FBXL18: variants seen among roughly 807,000 people sequenced by gnomAD.
FBXL18 encodes F-box and leucine rich repeat protein 18.
In FBXL18, 36 loss-of-function variants were observed where a neutral mutation model predicts 46.0. That is an observed-to-expected ratio of 0.78 (90% CI 0.60 to 1.03). The LOEUF (loss-of-function observed/expected upper bound fraction) is 1.03. FBXL18 is among the 50% of genes least tolerant of loss of function. The pLI is 0.00. For missense variants in FBXL18, 977 were observed against 1,004.1 expected (o/e 0.97, Z 0.36); for synonymous variants, 557 against 465.3 (o/e 1.20, Z -2.54).
intron 1 of FBXL18, among the ~76,000 whole-genome samples, chr7:5,506,857 C>T (rs562723663): frequency 6.6e-6 from 1 of 152,358 alleles, no homozygotes; most frequent in Admixed American, 6.5e-5. Context: ...TGCACACTTC[C>T]TTTTCCATTG....
chr7:5,497,078 A>T (rs1019467753), intron 3 of FBXL18, among the ~76,000 whole-genome samples: 3 of 149,196 alleles, frequency 2.0e-5, no homozygotes, highest in African/African-American at 7.4e-5. Flanking sequence ...GCATGTGCCT[A>T]TAGTCCCAGC....
At chr7:5,467,840 T>C (rs192533005) in intron 4 of FBXL18, among the ~76,000 whole-genome samples, 3 of 152,222 alleles carry the variant, frequency 2.0e-5, no homozygotes, top group Admixed American at 2.0e-4. Context: ...ACTGACTCAT[T>C]GGAGACAACC....
At chr7:5,494,820 G>A (rs1438453697) in intron 3 of FBXL18, among the ~76,000 whole-genome samples, 3 of 152,238 alleles carry the variant, frequency 2.0e-5, no homozygotes, top group Non-Finnish European at 2.9e-5. Context: ...CGTGCTACCC[G>A]CCCCAGATCG....
Position 5,456,639 on chromosome 7 carries a change from GAA to G in FBXL18, c.2001-8798_2001-8797del, listed in dbSNP as rs11442038. Among the ~76,000 whole-genome samples, 76 of 140,156 alleles carry G rather than the reference GAA, an allele frequency of 5.4e-4. 2 individuals are homozygous for G. Among genetic ancestry groups the G allele is most frequent in the South Asian group, 1.8e-3 (8 of 4,356 alleles). 91.9% of individuals were successfully genotyped at this position (140,156 alleles called of 152,430 possible). A position where few individuals can be genotyped will look rare whatever the true frequency, so the allele number is the denominator to read the frequency against. On this transcript the variant is annotated intron_variant and NMD_transcript_variant, in intron 4 of 6. Coordinates refer to the FBXL18 transcript ENST00000415009. ...CCAAGGGCAGAGAACTTAAGGTATG[GAA>G]AAAAAAAAAAAAAGGCATGGAAAGG...
intron 4 of FBXL18, among the ~76,000 whole-genome samples, chr7:5,461,712 G>A (rs1297323968): frequency 6.6e-6 from 1 of 151,930 alleles, no homozygotes; most frequent in Non-Finnish European, 1.5e-5. Flanking sequence ...AGGCCAAGGC[G>A]GGCAGATCAC....
At chr7:5,492,101 A>G (rs1783942607) in intron 3 of FBXL18, among the ~76,000 whole-genome samples, 1 of 150,902 alleles carries the variant, frequency 6.6e-6, no homozygotes. Context: ...CAGCCAGGGC[A>G]GGGGGGAGGC....
rs373359756 is a variant in FBXL18 at position 5,495,927 on chromosome 7, C to T, written c.1782-4478G>A. On this transcript the variant is annotated intron_variant, in intron 3 of 4. Transcript: ENST00000382368. ...CTGGGCACAGGCTGGAGTTTGTCCACAGAGATGGCATTATGAGCAGGGTCG... is the reference window on the plus strand; with the variant it reads ...CTGGGCACAGGCTGGAGTTTGTCCATAGAGATGGCATTATGAGCAGGGTCG... 2.8e-5 allele frequency: 13 copies of T among 471,856 alleles called. No homozygotes were observed. In the East Asian group the frequency reaches 8.3e-4, roughly 30 times the overall value. The allele number at this position is 471,856 out of a possible 1,614,324, so 29.2% of individuals were successfully genotyped here. A position where few individuals can be genotyped will look rare whatever the true frequency, so the allele number is the denominator to read the frequency against.
chr7:5,506,753 T>C (rs1340489862), intron 1 of FBXL18, among the ~76,000 whole-genome samples: 2 of 152,200 alleles, frequency 1.3e-5, no homozygotes, highest in Non-Finnish European at 2.9e-5. Flanking sequence ...GACGGGGTTT[T>C]GCCCTGTTGG....
At chr7:5,498,799 C>G (rs1292618333) in intron 3 of FBXL18, among the ~76,000 whole-genome samples, 1 of 151,910 alleles carries the variant, frequency 6.6e-6, no homozygotes, top group African/African-American at 2.4e-5. Context: ...TTTCCAACTC[C>G]TGACCTTAGA....
intron 4 of FBXL18, among the ~76,000 whole-genome samples, chr7:5,470,166 G>A (rs966463840): frequency 2.0e-5 from 3 of 152,132 alleles, no homozygotes; most frequent in African/African-American, 7.2e-5. Flanking sequence ...CACCTCCCCT[G>A]CCAGCCATCA....
In FBXL18 at chr7:5,494,164, C is replaced by T. The variant is rs372623671; in HGVS notation, c.1782-2715G>A. 1.7e-4 allele frequency among the ~76,000 whole-genome samples: 25 copies of T among 151,094 alleles called. No individual in the cohort carries two copies. In the East Asian group the frequency reaches 4.7e-3, roughly 28 times the overall value. On this transcript the variant is annotated intron_variant, in intron 3 of 4. Coordinates refer to ENST00000382368, the MANE Select transcript of FBXL18 (RefSeq NM_024963.6). ...GCACACACCTGTAATCCCAGCTACT[C>T]GGGAGGCTGAGGCAGGAAAATCGTT...
In FBXL18 at chr7:5,478,772, G is replaced by A. The variant is rs980056787; in HGVS notation, c.*3003C>T. 6.6e-6 allele frequency: 1 copy of A among 151,324 alleles called. No individual in the cohort carries two copies. Among genetic ancestry groups the A allele is most frequent in the African/African-American group, 2.4e-5 (1 of 41,072 alleles). The allele number at this position is 151,324 out of a possible 1,614,324, so 9.4% of individuals were successfully genotyped here. A position where few individuals can be genotyped will look rare whatever the true frequency, so the allele number is the denominator to read the frequency against. On this transcript the variant is annotated 3_prime_UTR_variant, in exon 5 of 5. Transcript: ENST00000382368. ...AGGGCACAGGTACACGCAGGCACAT[G>A]TACACACAGGCACACGTGCACGCAG...
chr7:5,475,782 G>A (rs1413640775), downstream of FBXL18: 2 of 152,186 alleles, frequency 1.3e-5, no homozygotes, highest in South Asian at 2.1e-4. This position sits in a 1 kb window ranked among gnomAD's most constrained non-coding sequence, Gnocchi z 4.2. Flanking sequence ...GTGCTGGAAG[G>A]ACCACACAGC....
At chr7:5,504,774 G>A (rs1380685842) in intron 2 of FBXL18, among the ~76,000 whole-genome samples, 4 of 149,474 alleles carry the variant, frequency 2.7e-5, no homozygotes, top group African/African-American at 7.3e-5. Flanking sequence ...AAATTAGCCC[G>A]GCGTGGTGGC....
chr7:5,468,139 C>T (rs1257072292), intron 4 of FBXL18, among the ~76,000 whole-genome samples: 2 of 152,166 alleles, frequency 1.3e-5, no homozygotes, highest in African/African-American at 2.4e-5. Flanking sequence ...CCCGCCACCA[C>T]ACCCAGCTAA....
intron 4 of FBXL18, among the ~76,000 whole-genome samples, chr7:5,462,618 T>C (rs1783263799): frequency 1.3e-5 from 2 of 152,044 alleles, no homozygotes; most frequent in Non-Finnish European, 2.9e-5. Flanking sequence ...TCCACTCTCT[T>C]ACTGGGGACC....
intron 4 of FBXL18, among the ~76,000 whole-genome samples, chr7:5,468,324 A>C (rs1322799290): frequency 6.6e-6 from 1 of 152,060 alleles, no homozygotes; most frequent in Non-Finnish European, 1.5e-5. Flanking sequence ...TCACTGTGTC[A>C]GCCAGGATGG....
At chr7:5,465,862 G>A (rs1234241694) in intron 4 of FBXL18, among the ~76,000 whole-genome samples, 2 of 150,564 alleles carry the variant, frequency 1.3e-5, no homozygotes, top group East Asian at 3.9e-4. Flanking sequence ...CTGTCGCCCA[G>A]TCTGGAGTGC....
chr7:5,462,950 C>CA (rs138208570), intron 4 of FBXL18, among the ~76,000 whole-genome samples: 48 of 22,374 alleles, frequency 2.1e-3, no homozygotes, highest in East Asian at 5.5e-3. Context: ...GACTTGGTCT[C>CA]AAAAAAAAAA....
Sources: gnomAD v4.1 joint callset for allele counts (sites outside exome capture counted in the v4.1 genomes callset) on GRCh38, gnomAD v4.1.1 for gene constraint, Gnocchi (gnomAD v3.1) non-coding constraint, MANE v1.5 for transcripts, NCBI Gene and HGNC (gene_info 2026-07-23, HGNC 2026-07-21) for gene names.